A2M: variants seen among roughly 807,000 people sequenced by gnomAD.
The protein encoded by A2M is C3 and PZP-like alpha-2-macroglobulin domain-containing protein 5.
A2M carries 128 observed loss-of-function variants against 183.9 expected under a neutral mutation model. The ratio of observed to expected loss-of-function variants is 0.70; its 90% CI spans 0.60 to 0.81. The LOEUF is 0.81. A2M is among the 30% of genes least tolerant of loss of function. The pLI, the probability that A2M is intolerant of heterozygous loss-of-function variation, is 0.00. For synonymous variants in A2M, 592 were observed against 670.8 expected (o/e 0.88, Z 1.81); for missense variants, 1,495 against 1,787.6 (o/e 0.84, Z 2.95).
chr12:9,075,130 A>G (rs952367772), intron 28 of A2M, among the ~76,000 whole-genome samples: 1 of 152,210 alleles, frequency 6.6e-6, no homozygotes, highest in African/African-American at 2.4e-5. Flanking sequence ...TACATTTCCT[A>G]TAAAGTGTGT....
rs920493433 is a variant in A2M, at chr12:9,101,444, C to T, written c.1494+3G>A. On this transcript the variant is annotated splice_donor_region_variant and intron_variant, in intron 12 of 35. Transcript: ENST00000318602. ...AAGTCAACGCAGTAACCTCCCTTCT[C>T]ACCAGATAATAGAAGGAGAGCTTCT... The T allele has an allele frequency of 6.2e-7, 1 of 1,608,898 alleles. No individual in the cohort carries two copies. The highest frequency in any genetic ancestry group is 8.5e-7 in the Non-Finnish European group (1 of 1,175,772).
chr12:9,104,457 A>G (rs961096419), intron 10 of A2M, 57 bp from the exon 11 acceptor site: 7 of 1,507,554 alleles, frequency 4.6e-6, no homozygotes, highest in Non-Finnish European at 6.3e-6. Context: ...GGCACCAAAC[A>G]TATTCATTTA....
chr12:9,081,711 G>A (rs1005516918), intron 22 of A2M, among the ~76,000 whole-genome samples: 4 of 152,284 alleles, frequency 2.6e-5, no homozygotes, highest in East Asian at 1.9e-4. Flanking sequence ...TTTCTACAGC[G>A]GGGAAGAGAA....
At chr12:9,072,325 C>G in intron 31 of A2M, 34 bp downstream of exon 31, 1 of 1,608,226 alleles carries the variant, frequency 6.2e-7, no homozygotes, top group South Asian at 1.1e-5. Context: ...GGTGGTTATT[C>G]TTAGGATTAG....
Position 9,115,881 on chromosome 12 carries a change from A to C in A2M, c.-32T>G. 2 of 1,543,118 alleles carry C rather than the reference A, an allele frequency of 1.3e-6. No homozygotes were observed. Among genetic ancestry groups the C allele is most frequent in the Non-Finnish European group, 1.8e-6 (2 of 1,116,056 alleles). ...GAAAGAAGGAGCTGGAGGAGAACAG[A>C]CTGTATTGTACCCTACTCCCTACAA... On this transcript the variant is annotated 5_prime_UTR_variant, in exon 1 of 36. Coordinates refer to ENST00000318602, the MANE Select transcript of A2M (RefSeq NM_000014.6).
Position 9,106,232 on chromosome 12 carries a change from C to G in A2M, c.1104+4G>C, listed in dbSNP as rs1938270903. ...GTTGATGAGTGAACTGGAAAATACT[C>G]CACCTGCCCAAAGAAGGGAATTCCC... is the stretch of plus-strand genomic sequence containing the variant. On this transcript the variant is annotated splice_donor_region_variant and intron_variant, in intron 10 of 35. Coordinates refer to ENST00000318602, the MANE Select transcript of A2M (RefSeq NM_000014.6). 3.8e-6 allele frequency: 6 copies of G among 1,582,322 alleles called. No homozygotes were observed. In the East Asian group the frequency reaches 8.9e-5, roughly 24 times the overall value.
In A2M at chr12:9,107,521, T is replaced by C. The variant is rs761966594; in HGVS notation, c.879+3A>G. 7 of 1,613,848 alleles carry C rather than the reference T, an allele frequency of 4.3e-6. No homozygotes were observed. In the East Asian group the frequency reaches 1.6e-4, roughly 36 times the overall value. On this transcript the variant is annotated splice_donor_region_variant and intron_variant, in intron 8 of 35. Transcript: ENST00000318602. The stretch of plus-strand genomic sequence containing the variant: ...TCTCTAGAAAAAATAGTGTTCAACC[T>C]ACCTGTCCACTGAATTTCTCACAGA...
Position 9,077,825 on chromosome 12 carries a change from T to C in A2M, c.3152A>G (p.Gln1051Arg), listed in dbSNP as rs1482939542. Residue 1051 changes from glutamine (Q) to arginine (R), a missense_variant, in exon 26 of 36, where the codon CAA becomes CGA. Coordinates refer to ENST00000318602, the MANE Select transcript of A2M (RefSeq NM_000014.6). Reference sequence around the variant, plus strand: ...ATCGATGAAGATGTAGGCTCGAGCTTGGGCAAAAGTCTTCAGAACAAAGGC... The same window carrying C: ...ATCGATGAAGATGTAGGCTCGAGCTCGGGCAAAAGTCTTCAGAACAAAGGC... ...LTAFVLKTFA[Q>R]ARAYIFIDEA... 1 of 1,614,150 alleles carries C rather than the reference T, an allele frequency of 6.2e-7. No individual in the cohort carries two copies. The highest frequency in any genetic ancestry group is 2.2e-5 in the East Asian group (1 of 44,882).
Position 9,079,231 on chromosome 12 carries a change from G to T in A2M, c.3119+13C>A. The T allele has an allele frequency of 1.2e-6, 2 of 1,609,962 alleles. No individual in the cohort carries two copies. The highest frequency in any genetic ancestry group is 1.7e-6 in the Non-Finnish European group (2 of 1,177,472). ...CACACAAAAAGAAGCTCAAAAAATT[G>T]TTCTTTCCTTACCAGGTGTTGCCCT... On this transcript the variant is annotated intron_variant, in intron 25 of 35. Coordinates refer to ENST00000318602, the MANE Select transcript of A2M (RefSeq NM_000014.6).
rs1937811674 is a variant in A2M at position 9,101,188 on chromosome 12, A to G, written c.1514T>C (p.Ile505Thr). Residue 505 changes from isoleucine to threonine, a missense_variant, in exon 13 of 36, where the codon ATT (isoleucine) becomes ACT (threonine). Ile to Thr is a moderately conservative substitution (Grantham distance 89). Coordinates refer to ENST00000318602, the MANE Select transcript of A2M (RefSeq NM_000014.6). ...FYYLIMAKGGIVRTGTHGLLV... is the reference protein window; with the variant it reads ...FYYLIMAKGGTVRTGTHGLLV... ...CAGTCCATGAGTCCCAGTTCGGACAATGCCTCCCTTTGCCATTATCTGCAA... is the reference window on the plus strand; with the variant it reads ...CAGTCCATGAGTCCCAGTTCGGACAGTGCCTCCCTTTGCCATTATCTGCAA... The G allele has an allele frequency of 2.6e-6, 4 of 1,561,104 alleles. No homozygotes were observed. Among genetic ancestry groups the G allele is most frequent in the Non-Finnish European group, 3.5e-6 (4 of 1,151,778 alleles).
At chr12:9,070,175 A>G (rs984458309) in intron 32 of A2M, among the ~76,000 whole-genome samples, 2 of 152,254 alleles carry the variant, frequency 1.3e-5, no homozygotes, top group African/African-American at 2.4e-5. Context: ...GTTTATGCCA[A>G]TCAGTCATTT....
chr12:9,105,100 T>C (rs1261837663), intron 10 of A2M, among the ~76,000 whole-genome samples: 2 of 152,186 alleles, frequency 1.3e-5, no homozygotes, highest in Non-Finnish European at 2.9e-5. Flanking sequence ...TAATATTGTA[T>C]TGGCAGTTGA....
rs138931034 is a variant in A2M, at chr12:9,095,251, C to T, written c.2014-167G>A. Among the ~76,000 whole-genome samples the T allele has an allele frequency of 3.3e-5, 5 of 152,276 alleles. No homozygotes were observed. The South Asian group carries it at 6.2e-4, about 19-fold the overall frequency. On this transcript the variant is annotated intron_variant, in intron 16 of 35. Coordinates refer to ENST00000318602, the MANE Select transcript of A2M (RefSeq NM_000014.6). The stretch of plus-strand genomic sequence containing the variant: ...ATATACTTAAGGATGTAATTTTATT[C>T]TTTTCATTAAACTCTTTCAACAGTA...
Position 9,106,365 on chromosome 12 carries a change from T to C in A2M, c.995-20A>G. 2 of 1,557,976 alleles carry C rather than the reference T, an allele frequency of 1.3e-6. No individual in the cohort carries two copies. Among genetic ancestry groups the C allele is most frequent in the Non-Finnish European group, 1.8e-6 (2 of 1,135,544 alleles). ...CCACCACTGAAAAAAGAGAAAAAAA[T>C]CTGTTATTTTTGGGAAGAATGATGT... is the stretch of plus-strand genomic sequence containing the variant. On this transcript the variant is annotated intron_variant, in intron 9 of 35. Coordinates refer to ENST00000318602, the MANE Select transcript of A2M (RefSeq NM_000014.6).
intron 13 of A2M, 24 bp from the exon 14 acceptor site, chr12:9,099,547 G>A: frequency 6.3e-7 from 1 of 1,596,834 alleles, no homozygotes; most frequent in Non-Finnish European, 8.5e-7. Flanking sequence ...AGAATGAGAG[G>A]AAGCCATCAT....
Position 9,077,812 on chromosome 12 carries a change from G to GTAGGCTC in A2M, c.3158_3164dup (p.Tyr1055Ter), listed in dbSNP as rs1378549949. On this transcript the variant is annotated stop_gained and frameshift_variant, in exon 26 of 36. Transcript: ENST00000318602. LOFTEE classifies it high-confidence loss of function. ...TAATGTGTGCTTCATCGATGAAGAT[G>GTAGGCTC]TAGGCTCGAGCTTGGGCAAAAGTCT... 6.2e-7 allele frequency: 1 copy of GTAGGCTC among 1,614,074 alleles called. No individual in the cohort carries two copies. The highest frequency in any genetic ancestry group is 1.3e-5 in the African/African-American group (1 of 74,938).
chr12:9,111,614 C>A, intron 4 of A2M: 1 of 439,240 alleles, frequency 2.3e-6, no homozygotes, highest in Non-Finnish European at 4.5e-6. Flanking sequence ...GTCTTTGGAG[C>A]TAGAAGAGAA....
At chr12:9,107,738 CCT>C (rs1938407580) in intron 7 of A2M, 94 bp from the exon 8 acceptor site, 1 of 1,426,198 alleles carries the variant, frequency 7.0e-7, no homozygotes, top group Non-Finnish European at 9.7e-7. Flanking sequence ...CAGTATATTC[CCT>C]GTCTGTACTT....
In A2M at chr12:9,077,409, T is replaced by A. The variant is rs1308731315; in HGVS notation, c.3288A>T (p.Glu1096Asp). ...TATAGGCGGAGAGGGTCACTTCATC[T>A]TCTACTCCTCCCTGTGAATACGAGA... ...LLNNAIKGGVEDEVTLSAYIT... is the reference protein window; with the variant it reads ...LLNNAIKGGVDDEVTLSAYIT... Residue 1096 changes from glutamate (E) to aspartate (D), a missense_variant, in exon 27 of 36, where the codon GAA becomes GAT. Glu to Asp is a conservative substitution (Grantham distance 45, BLOSUM62 2). Coordinates refer to ENST00000318602, the MANE Select transcript of A2M (RefSeq NM_000014.6). 1.2e-6 allele frequency: 2 copies of A among 1,613,036 alleles called. No homozygotes were observed. Among genetic ancestry groups the A allele is most frequent in the Non-Finnish European group, 1.7e-6 (2 of 1,179,546 alleles).
Sources: gnomAD v4.1 joint callset for allele counts (sites outside exome capture counted in the v4.1 genomes callset) on GRCh38, gnomAD v4.1.1 for gene constraint, MANE v1.5 for transcripts, NCBI Gene and HGNC (gene_info 2026-07-23, HGNC 2026-07-21) for gene names.